The following ICAM1 variants were observed in gnomAD, a reference collection of about 807,000 sequenced individuals.
ICAM1 encodes ICAM-1.
In ICAM1, 28 loss-of-function variants were observed where a neutral mutation model predicts 42.3. That is an observed-to-expected ratio of 0.66 (90% CI 0.49 to 0.91). The LOEUF is 0.91. Among genes scored for constraint, ICAM1 ranks in the 40% least tolerant of loss-of-function variants. The pLI, the probability that ICAM1 is intolerant of heterozygous loss-of-function variation, is 0.00. For missense variants in ICAM1, 637 were observed against 688.6 expected (o/e 0.93, Z 0.84); for synonymous variants, 304 against 305.9 (o/e 0.99, Z 0.07).
rs139053442 is a variant in ICAM1 at position 10,283,720 on chromosome 19, G to C, written c.571G>C (p.Asp191His). The C allele has an allele frequency of 1.3e-3, 2,032 of 1,613,776 alleles. 3 individuals are homozygous for C. The highest frequency in any genetic ancestry group is 1.5e-3 in the Non-Finnish European group (1,774 of 1,179,884). Residue 191 changes from aspartate to histidine, a missense_variant, in exon 3 of 7, where the codon GAC becomes CAC. By Grantham distance (81) the Asp-to-His change is moderately conservative. Coordinates refer to ENST00000264832, the MANE Select transcript of ICAM1 (RefSeq NM_000201.3). Reference protein sequence around the residue: ...GANFSCRTELDLRPQGLELFE... With the variant: ...GANFSCRTELHLRPQGLELFE... ...CAATTTCTCGTGCCGCACTGAACTGGACCTGCGGCCCCAAGGGCTGGAGCT... is the reference window on the plus strand; with the variant it reads ...CAATTTCTCGTGCCGCACTGAACTGCACCTGCGGCCCCAAGGGCTGGAGCT...
intron 1 of ICAM1, among the ~76,000 whole-genome samples, 200 bp downstream of exon 1, chr19:10,271,426 T>G (rs1026427603): frequency 6.6e-6 from 1 of 152,006 alleles, no homozygotes; most frequent in Admixed American, 6.6e-5. Flanking sequence ...GATTGCAGCT[T>G]TAAAAAAGGG....
intron 1 of ICAM1, among the ~76,000 whole-genome samples, chr19:10,273,955 A>C (rs1395305511): frequency 6.6e-6 from 1 of 151,942 alleles, no homozygotes; most frequent in Non-Finnish European, 1.5e-5. Context: ...CAAAGGTTGC[A>C]GTGAGCTGAG....
At chr19:10,279,080 C>T (rs1340784657) in intron 2 of ICAM1, among the ~76,000 whole-genome samples, 5 of 152,174 alleles carry the variant, frequency 3.3e-5, no homozygotes, top group Non-Finnish European at 5.9e-5. Flanking sequence ...CTGGATGGCT[C>T]AATCTTCTCC....
In ICAM1 at chr19:10,274,925, GA is replaced by G; in HGVS notation, c.230del (p.Lys77ArgfsTer5). The G allele has an allele frequency of 6.2e-7, 1 of 1,614,238 alleles. No individual in the cohort carries two copies. Among genetic ancestry groups the G allele is most frequent in the Non-Finnish European group, 8.5e-7 (1 of 1,180,052 alleles). On this transcript the variant is annotated frameshift_variant, in exon 2 of 7. Coordinates refer to ENST00000264832, the MANE Select transcript of ICAM1 (RefSeq NM_000201.3). LOFTEE classifies it high-confidence loss of function. ...AGTTGCTCCTGCCTGGGAACAACCG[GA>G]AGGTGTATGAACTGAGCAATGTGCA... ...KELLLPGNNR[K>X]VYELSNVQED...
Position 10,283,909 on chromosome 19 carries a change from C to T in ICAM1, c.637+123C>T, listed in dbSNP as rs181162690. On this transcript the variant is annotated intron_variant, in intron 3 of 6. Coordinates refer to ENST00000264832, the MANE Select transcript of ICAM1 (RefSeq NM_000201.3). Reference sequence around the variant, plus strand: ...GGCTAAGGGGTGCATGTGTTCTAGGCGTATGTGACCTAGGCTGCTGAGTGG... The same window carrying T: ...GGCTAAGGGGTGCATGTGTTCTAGGTGTATGTGACCTAGGCTGCTGAGTGG... 72 of 1,425,596 alleles carry T rather than the reference C, an allele frequency of 5.1e-5. 1 individual carries two copies. In the South Asian group the frequency reaches 6.4e-4, roughly 13 times the overall value. The allele number at this position is 1,425,596 out of a possible 1,614,324, so 88.3% of individuals were successfully genotyped here.
intron 2 of ICAM1, among the ~76,000 whole-genome samples, chr19:10,276,368 A>G (rs2040016958): frequency 6.7e-6 from 1 of 150,130 alleles, no homozygotes; most frequent in Admixed American, 6.7e-5. Context: ...ACATGGTGAA[A>G]CCCCGTCTCT....
intron 2 of ICAM1, among the ~76,000 whole-genome samples, chr19:10,281,710 C>T (rs542536449): frequency 1.0e-4 from 15 of 148,162 alleles, no homozygotes; most frequent in East Asian, 2.0e-4. Context: ...AGGACCCCCC[C>T]GGTCCTGATG....
In ICAM1 at chr19:10,285,347, A is replaced by T; in HGVS notation, c.*60A>T. ...CCCATATTGGTGGCAGTGGTGCCAC[A>T]CTGAACAGAGTGGAAGACATATGCC... On this transcript the variant is annotated 3_prime_UTR_variant, in exon 7 of 7. Coordinates refer to ENST00000264832, the MANE Select transcript of ICAM1 (RefSeq NM_000201.3). The T allele has an allele frequency of 1.3e-6, 2 of 1,494,250 alleles. No individual in the cohort carries two copies. Among genetic ancestry groups the T allele is most frequent in the Non-Finnish European group, 1.8e-6 (2 of 1,082,934 alleles). 92.6% of individuals were successfully genotyped at this position (1,494,250 alleles called of 1,614,324 possible).
intron 2 of ICAM1, among the ~76,000 whole-genome samples, chr19:10,281,083 C>T (rs538596823): frequency 6.6e-6 from 1 of 151,516 alleles, no homozygotes; most frequent in African/African-American, 2.4e-5. Flanking sequence ...CCGTGTTAGC[C>T]AGGATGGTCT....
intron 2 of ICAM1, 51 bp downstream of exon 2, chr19:10,275,079 C>G (rs547713798): frequency 1.9e-6 from 3 of 1,578,674 alleles, no homozygotes; most frequent in Admixed American, 3.4e-5. Context: ...GTGGGAGAGA[C>G]GTGCAGGGGC....
intron 2 of ICAM1, among the ~76,000 whole-genome samples, 197 bp downstream of exon 2, chr19:10,275,225 G>T (rs2040008149): frequency 2.0e-5 from 3 of 152,214 alleles, no homozygotes; most frequent in African/African-American, 7.2e-5. Flanking sequence ...TTACAGGCTG[G>T]GTGCGGTGGC....
At position 10,284,386 on chromosome 19, in the gene ICAM1, C is replaced by CT. The variant is rs747591544; in HGVS notation, c.926-16dup. 5.0e-6 allele frequency: 8 copies of CT among 1,612,450 alleles called. No individual in the cohort carries two copies. The South Asian group carries it at 8.8e-5, about 18-fold the overall frequency. Reference sequence around the variant, plus strand: ...TGACCTGAACCCGGGGCGGGGCTCACTGTGTGCCTATTCCAGGCTTTCCGG... The same window carrying CT: ...TGACCTGAACCCGGGGCGGGGCTCACTTGTGTGCCTATTCCAGGCTTTCCGG... On this transcript the variant is annotated splice_polypyrimidine_tract_variant and intron_variant, in intron 4 of 6. Coordinates refer to ENST00000264832, the MANE Select transcript of ICAM1 (RefSeq NM_000201.3). This position sits in a 1 kb window ranked among gnomAD's most constrained non-coding sequence, Gnocchi z 5.4.
intron 1 of ICAM1, among the ~76,000 whole-genome samples, chr19:10,272,560 C>CTTTTTTTTTTTTTTTT (rs1174775027): frequency 1.4e-4 from 8 of 56,130 alleles, no homozygotes; most frequent in African/African-American, 4.4e-4. Context: ...CTTTTCTTTT[C>CTTTTTTTTTTTTTTTT]TTTTTTTTTT....
chr19:10,284,440 G>T lies in ICAM1; in HGVS notation c.963G>T (p.Glu321Asp). Reference protein sequence around the residue: ...PAPNVILTKPEVSEGTEVTVK... With the variant: ...PAPNVILTKPDVSEGTEVTVK... ...CCAACGTGATTCTGACGAAGCCAGA[G>T]GTCTCAGAAGGGACCGAGGTGACAG... Residue 321 changes from glutamate to aspartate, a missense_variant, in exon 5 of 7, where the codon GAG becomes GAT. Physicochemically the swap from Glu to Asp is conservative, Grantham distance 45. Transcript: ENST00000264832. This position sits in a 1 kb window ranked among gnomAD's most constrained non-coding sequence, Gnocchi z 5.4. 6.2e-7 allele frequency: 1 copy of T among 1,613,922 alleles called. No homozygotes were observed. The highest frequency in any genetic ancestry group is 1.1e-5 in the South Asian group (1 of 91,086).
intron 2 of ICAM1, among the ~76,000 whole-genome samples, chr19:10,276,794 A>C (rs1438977930): frequency 4.0e-5 from 6 of 151,478 alleles, no homozygotes; most frequent in Non-Finnish European, 8.8e-5. Flanking sequence ...CACCATGGAG[A>C]AACCCCGTCT....
intron 1 of ICAM1, among the ~76,000 whole-genome samples, chr19:10,273,384 C>T (rs979441221): frequency 1.4e-4 from 21 of 151,224 alleles, no homozygotes; most frequent in African/African-American, 5.1e-4. Context: ...CCCAGCTACT[C>T]GGGAGGCTGA....
At chr19:10,280,959 C>T (rs538878900) in intron 2 of ICAM1, among the ~76,000 whole-genome samples, 17 of 151,058 alleles carry the variant, frequency 1.1e-4, no homozygotes, top group African/African-American at 3.2e-4. Flanking sequence ...CTGCAAGCTC[C>T]GCCTCCCGGG....
At chr19:10,281,553 ACCT>A (rs2040059404) in intron 2 of ICAM1, among the ~76,000 whole-genome samples, 1 of 151,544 alleles carries the variant, frequency 6.6e-6, no homozygotes, top group East Asian at 1.9e-4. Flanking sequence ...TAAAAAAGAA[ACCT>A]CCTGCTTATG....
chr19:10,284,100 G>C lies in ICAM1; in HGVS notation c.705G>C (p.Val235=). ...RVLEVDTQGT[V]VCSLDGLFPV... is the part of the protein sequence containing the mutation. ...TAGAGGTGGACACGCAGGGGACCGT[G>C]GTCTGTTCCCTGGACGGGCTGTTCC... Residue 235 remains valine, a synonymous_variant, in exon 4 of 7, where the codon GTG becomes GTC. Transcript: ENST00000264832. The surrounding 1 kb of genome is among the most constrained non-coding windows in gnomAD (Gnocchi z 5.4). 1 of 1,614,018 alleles carries C rather than the reference G, an allele frequency of 6.2e-7. No homozygotes were observed.
Sources: gnomAD v4.1 joint callset for allele counts (sites outside exome capture counted in the v4.1 genomes callset) on GRCh38, gnomAD v4.1.1 for gene constraint, Gnocchi (gnomAD v3.1) non-coding constraint, MANE v1.5 for transcripts, NCBI Gene and HGNC (gene_info 2026-07-23, HGNC 2026-07-21) for gene names.